Variants in PRMT8 observed in about 807,000 individuals in gnomAD.
PRMT8 encodes the protein protein arginine N-methyltransferase 8.
A neutral mutation model predicts 47.1 loss-of-function variants in PRMT8; 7 were observed. The ratio of observed to expected loss-of-function variants is 0.15; its 90% CI spans 0.08 to 0.28. The LOEUF (loss-of-function observed/expected upper bound fraction) is 0.28, where lower values mean the gene tolerates loss of function less well. PRMT8 is among the 10% of genes least tolerant of loss of function. The pLI, the probability that PRMT8 is intolerant of heterozygous loss-of-function variation, is 1.00. For missense variants in PRMT8, 237 were observed against 505.4 expected, an observed-to-expected ratio of 0.47 and a Z score of 5.09; for synonymous variants, 188 against 186.5, an observed-to-expected ratio of 1.01 and a Z score of -0.07.
chr12:3,489,257 A>C (rs1221364299), upstream of PRMT8, among the ~76,000 whole-genome samples: 1 of 152,158 alleles, frequency 6.6e-6, no homozygotes, highest in Non-Finnish European at 1.5e-5. Context: ...TCATAGCAAC[A>C]TAATCACGCA....
At chr12:3,397,501 GT>G in intron 1 of PRMT8, among the ~76,000 whole-genome samples, 2 of 151,068 alleles carry the variant, frequency 1.3e-5, no homozygotes, top group Non-Finnish European at 2.9e-5. Flanking sequence ...CTGCTGGGGG[GT>G]GCCTCCCAGT....
At chr12:3,442,981 A>T (rs1241647872) in intron 1 of PRMT8, among the ~76,000 whole-genome samples, 2 of 152,156 alleles carry the variant, frequency 1.3e-5, no homozygotes, top group Admixed American at 6.5e-5. Flanking sequence ...CTATGTCCAT[A>T]TCTATTAAGA....
chr12:3,557,625 G>A lies in PRMT8; in HGVS notation c.481+3911G>A, dbSNP rs975872850. 6.6e-6 allele frequency among the ~76,000 whole-genome samples: 1 copy of A among 152,122 alleles called. No homozygotes were observed. Among genetic ancestry groups the A allele is most frequent in the African/African-American group, 2.4e-5 (1 of 41,428 alleles). On this transcript the variant is annotated intron_variant, in intron 4 of 9. Coordinates refer to ENST00000382622, the MANE Select transcript of PRMT8 (RefSeq NM_019854.5). This position sits in a 1 kb window ranked among gnomAD's most constrained non-coding sequence, Gnocchi z 4.7. Reference sequence around the variant, plus strand: ...TAAAGACAGATAAAGAAAACTGGTCGATTCTTTCTCTGGGAGGGTGACACA... The same window carrying A: ...TAAAGACAGATAAAGAAAACTGGTCAATTCTTTCTCTGGGAGGGTGACACA...
rs1481820264 is a variant in PRMT8 at position 3,569,677 on chromosome 12, AGAG to A, written c.712+117_712+119del. The A allele has an allele frequency of 5.9e-6, 5 of 850,164 alleles. No homozygotes were observed. Among genetic ancestry groups the A allele is most frequent in the Non-Finnish European group, 1.0e-5 (5 of 496,764 alleles). The allele number at this position is 850,164 out of a possible 1,614,324, so 52.7% of individuals were successfully genotyped here. On this transcript the variant is annotated intron_variant, in intron 6 of 9. Coordinates refer to ENST00000382622, the MANE Select transcript of PRMT8 (RefSeq NM_019854.5). The surrounding 1 kb of genome is among the most constrained non-coding windows in gnomAD (Gnocchi z 8.2). ...ACATGAACACCATTGCTGTCCCTGA[AGAG>A]GAGCTTATCTGGGACCCTTTCTGGA...
intron 1 of PRMT8, among the ~76,000 whole-genome samples, chr12:3,464,369 C>T (rs1865070626): frequency 6.6e-6 from 1 of 151,982 alleles, no homozygotes; most frequent in Admixed American, 6.6e-5. Context: ...AAACAAAAAC[C>T]CTGAAAATAA....
intron 7 of PRMT8, among the ~76,000 whole-genome samples, chr12:3,578,345 C>T (rs886409951): frequency 1.3e-5 from 2 of 152,166 alleles, no homozygotes; most frequent in Non-Finnish European, 2.9e-5. Context: ...CTGTCTTAGC[C>T]TCCTGAGTAG....
At chr12:3,541,528 G>A (rs149301365) in intron 2 of PRMT8, among the ~76,000 whole-genome samples, 10 of 152,278 alleles carry the variant, frequency 6.6e-5, no homozygotes, top group Admixed American at 3.3e-4. Flanking sequence ...CACATTATAC[G>A]TATCATTTCA....
intron 8 of PRMT8, among the ~76,000 whole-genome samples, chr12:3,588,573 G>A (rs1417699658): frequency 6.6e-6 from 1 of 152,184 alleles, no homozygotes; most frequent in African/African-American, 2.4e-5. Context: ...ACAAAGTGGT[G>A]TTCATCCCGT....
chr12:3,496,215 T>TATATATATATATATATATATATATATA (rs1555085719), intron 1 of PRMT8, among the ~76,000 whole-genome samples: 24 of 24,300 alleles, frequency 9.9e-4, no homozygotes, highest in Admixed American at 2.2e-3. Flanking sequence ...TATATATATA[T>TATATATATATATATATATATATATATA]TTTTTTTTTT....
chr12:3,443,856 T>C (rs1864829792), intron 1 of PRMT8, among the ~76,000 whole-genome samples: 1 of 152,184 alleles, frequency 6.6e-6, no homozygotes, highest in Non-Finnish European at 1.5e-5. Context: ...ACGATTGCTT[T>C]TGTGTCTGTC....
At chr12:3,462,861 C>T (rs1865055823) in intron 1 of PRMT8, 1 of 152,026 alleles carries the variant, frequency 6.6e-6, no homozygotes. Flanking sequence ...GTTAGACAGA[C>T]CTGGCTAGTC....
chr12:3,400,663 G>A lies in PRMT8; in HGVS notation c.48+19221G>A, dbSNP rs538357483. Among the ~76,000 whole-genome samples the A allele has an allele frequency of 7.2e-5, 11 of 152,244 alleles. 1 individual carries two copies. Among genetic ancestry groups the A allele is most frequent in the Admixed American group, 7.2e-4 (11 of 15,284 alleles). On this transcript the variant is annotated intron_variant, in intron 1 of 9. Transcript: ENST00000452611. ...ACTCCTCGCTAACTCATTCTAGGAG[G>A]CCAACATTATCCTGATACCAAAACC...
intron 1 of PRMT8, among the ~76,000 whole-genome samples, chr12:3,460,344 G>A (rs1333734105): frequency 1.3e-5 from 2 of 152,180 alleles, no homozygotes; most frequent in Non-Finnish European, 2.9e-5. Flanking sequence ...ACACGTCCCT[G>A]TCATTCCTAG....
In PRMT8 at chr12:3,552,890, G is replaced by A. The variant is rs557062390; in HGVS notation, c.418-761G>A. ...CAGCCTCTGTAAGAGAGCCGGCTCC[G>A]GAGGTGAGGACGGCTCTTGGCAGCT... is the stretch of plus-strand genomic sequence containing the variant. On this transcript the variant is annotated intron_variant, in intron 3 of 9. Transcript: ENST00000382622. The surrounding 1 kb of genome is among the most constrained non-coding windows in gnomAD (Gnocchi z 4.5). 4 of 411,152 alleles carry A rather than the reference G, an allele frequency of 9.7e-6. No individual in the cohort carries two copies. The highest frequency in any genetic ancestry group is 1.7e-5 in the South Asian group (1 of 58,466). The allele number at this position is 411,152 out of a possible 1,614,324, so 25.5% of individuals were successfully genotyped here. A position where few individuals can be genotyped will look rare whatever the true frequency, so the allele number is the denominator to read the frequency against.
At chr12:3,544,604 G>C (rs899980348) in intron 2 of PRMT8, among the ~76,000 whole-genome samples, 1 of 152,224 alleles carries the variant, frequency 6.6e-6, no homozygotes, top group Non-Finnish European at 1.5e-5. Flanking sequence ...GGTACTTATA[G>C]GTATGGGCGG....
chr12:3,509,637 A>G (rs763795284), intron 1 of PRMT8, among the ~76,000 whole-genome samples: 2 of 152,308 alleles, frequency 1.3e-5, no homozygotes, highest in African/African-American at 2.4e-5. Flanking sequence ...ATGAAAAAAA[A>G]TGTTCTATGG....
chr12:3,431,004 C>T (rs1864670627), intron 1 of PRMT8, among the ~76,000 whole-genome samples: 1 of 152,030 alleles, frequency 6.6e-6, no homozygotes, highest in African/African-American at 2.4e-5. Context: ...TGAGGCTGTT[C>T]GACTCTGGAG....
chr12:3,415,400 GC>G (rs1291637803), intron 1 of PRMT8, among the ~76,000 whole-genome samples: 6 of 152,198 alleles, frequency 3.9e-5, no homozygotes, highest in Middle Eastern at 3.4e-3. Context: ...TTAACCTTCA[GC>G]CCCTCTCCCT....
intron 4 of PRMT8, among the ~76,000 whole-genome samples, chr12:3,555,495 G>A (rs1319648707): frequency 6.6e-6 from 1 of 152,214 alleles, no homozygotes; most frequent in African/African-American, 2.4e-5. Flanking sequence ...AAAGCACAGG[G>A]ATCAGAGAGG....
Sources: gnomAD v4.1 joint callset for allele counts (sites outside exome capture counted in the v4.1 genomes callset) on GRCh38, gnomAD v4.1.1 for gene constraint, Gnocchi (gnomAD v3.1) non-coding constraint, MANE v1.5 for transcripts, NCBI Gene and HGNC (gene_info 2026-07-23, HGNC 2026-07-21) for gene names.